Variants in TIAM2 observed in about 807,000 individuals in gnomAD.
The protein encoded by TIAM2 is rho guanine nucleotide exchange factor TIAM2.
Under a neutral mutation model 152.9 loss-of-function variants are expected in TIAM2, and 80 were observed. The ratio of observed to expected loss-of-function variants is 0.52; its 90% CI spans 0.44 to 0.63. The LOEUF (loss-of-function observed/expected upper bound fraction) is 0.63, where lower values mean the gene tolerates loss of function less well. Ranked by LOEUF, TIAM2 falls within the 30% of genes least tolerant of loss-of-function variation. The pLI is 0.00. For synonymous variants in TIAM2, 804 were observed against 838.0 expected (o/e 0.96, Z 0.70); for missense variants, 1,965 against 2,120.1 (o/e 0.93, Z 1.44).
At chr6:155,103,210 A>C (rs1173794113) in intron 2 of TIAM2, among the ~76,000 whole-genome samples, 2 of 152,182 alleles carry the variant, frequency 1.3e-5, no homozygotes, top group African/African-American at 2.4e-5. Flanking sequence ...GAACTTGAGA[A>C]ACCTTACATA....
Position 155,116,220 on chromosome 6 carries a change from A to G in TIAM2, c.-117-11270A>G, listed in dbSNP as rs6922931. ...ATTTAAACTATACCAACTAGTATAT[A>G]TATGTTGTTTTTTTTCCTGAAAGTT... On this transcript the variant is annotated intron_variant, in intron 2 of 26. Coordinates refer to ENST00000682666, the MANE Select transcript of TIAM2 (RefSeq NM_012454.4). Among the ~76,000 whole-genome samples the G allele has an allele frequency of 2.6e-3, 390 of 152,320 alleles. 2 individuals carry two copies. The highest frequency in any genetic ancestry group is 8.7e-3 in the African/African-American group (363 of 41,572).
intron 7 of TIAM2, among the ~76,000 whole-genome samples, chr6:155,157,625 A>T (rs1233244862): frequency 6.6e-6 from 1 of 152,136 alleles, no homozygotes; most frequent in Non-Finnish European, 1.5e-5. Flanking sequence ...CATTTTCCGT[A>T]TAAGTACCGT....
At chr6:155,039,750 G>A (rs1035394914) in intron 1 of TIAM2, among the ~76,000 whole-genome samples, 2 of 152,184 alleles carry the variant, frequency 1.3e-5, no homozygotes, top group Admixed American at 6.5e-5. Context: ...AGCTTCATGA[G>A]TTTAATGTAA....
intron 14 of TIAM2, among the ~76,000 whole-genome samples, chr6:155,202,064 T>A (rs1416295136): frequency 1.3e-5 from 2 of 152,184 alleles, no homozygotes; most frequent in Non-Finnish European, 2.9e-5. Flanking sequence ...CCAGATATGG[T>A]CAGAAGAGAA....
chr6:155,214,462 C>G lies in TIAM2; in HGVS notation c.3168+3155C>G, dbSNP rs971811049. 6.6e-6 allele frequency among the ~76,000 whole-genome samples: 1 copy of G among 152,116 alleles called. No homozygotes were observed. Among genetic ancestry groups the G allele is most frequent in the Non-Finnish European group, 1.5e-5 (1 of 68,004 alleles). On this transcript the variant is annotated intron_variant, in intron 15 of 26. Transcript: ENST00000682666. The surrounding 1 kb of genome is among the most constrained non-coding windows in gnomAD (Gnocchi z 5.4). ...TGATGAAGCAGCTATGGGCTCTCAG[C>G]CTCCCCTCTCTTCTCCCTTTCACTT...
chr6:155,214,324 G>A lies in TIAM2; in HGVS notation c.3168+3017G>A, dbSNP rs561041988. Among the ~76,000 whole-genome samples, 11 of 152,222 alleles carry A rather than the reference G, an allele frequency of 7.2e-5. No individual in the cohort carries two copies. Among genetic ancestry groups the A allele is most frequent in the Non-Finnish European group, 1.5e-4 (10 of 68,026 alleles). On this transcript the variant is annotated intron_variant, in intron 15 of 26. Coordinates refer to ENST00000682666, the MANE Select transcript of TIAM2 (RefSeq NM_012454.4). This position sits in a 1 kb window ranked among gnomAD's most constrained non-coding sequence, Gnocchi z 5.4. ...AGCCAGGCACATGGCACATCCTTTG[G>A]AGGAACCATGTGGCATACCTTTTGG...
intron 2 of TIAM2, among the ~76,000 whole-genome samples, chr6:155,095,777 G>C (rs1467900881): frequency 6.6e-6 from 1 of 152,136 alleles, no homozygotes. Context: ...AGTCCATAAA[G>C]AGAAAATATT....
intron 1 of TIAM2, among the ~76,000 whole-genome samples, chr6:155,028,050 TTACA>T (rs1397186706): frequency 1.2e-4 from 14 of 116,340 alleles, no homozygotes; most frequent in East Asian, 9.2e-4. Flanking sequence ...ATGTACTGTG[TTACA>T]TATATACTAT....
chr6:155,118,244 C>T (rs1051415751), intron 2 of TIAM2, among the ~76,000 whole-genome samples: 19 of 152,084 alleles, frequency 1.2e-4, no homozygotes, highest in African/African-American at 4.3e-4. Flanking sequence ...TGCTTGGGAC[C>T]TGCACCCCCT....
chr6:155,225,452 A>G (rs1451453881), intron 15 of TIAM2, among the ~76,000 whole-genome samples: 3 of 152,130 alleles, frequency 2.0e-5, no homozygotes, highest in Non-Finnish European at 4.4e-5. Context: ...CAGTAATACA[A>G]CGTGAGGCTT....
chr6:155,231,736 G>C (rs993555836), intron 15 of TIAM2, among the ~76,000 whole-genome samples: 6 of 152,228 alleles, frequency 3.9e-5, no homozygotes, highest in African/African-American at 1.4e-4. Context: ...GGAGCCCCTT[G>C]TTCCCACTGT....
chr6:155,030,071 G>C (rs1172364937), intron 1 of TIAM2, among the ~76,000 whole-genome samples: 1 of 152,176 alleles, frequency 6.6e-6, no homozygotes, highest in Non-Finnish European at 1.5e-5. Flanking sequence ...GGGATTACAG[G>C]TGTGAGCCAC....
chr6:155,224,565 T>A (rs1331867197), intron 15 of TIAM2, among the ~76,000 whole-genome samples: 1 of 152,252 alleles, frequency 6.6e-6, no homozygotes, highest in East Asian at 1.9e-4. Flanking sequence ...GATGTGTCAT[T>A]AGTATGGAAG....
chr6:155,001,519 G>A (rs1387112466), intron 1 of TIAM2, among the ~76,000 whole-genome samples: 2 of 152,204 alleles, frequency 1.3e-5, no homozygotes, highest in Non-Finnish European at 2.9e-5. Context: ...AGCAGACATA[G>A]GCTGGTGCCC....
chr6:155,041,335 T>C (rs2075068863), intron 1 of TIAM2, among the ~76,000 whole-genome samples: 1 of 152,218 alleles, frequency 6.6e-6, no homozygotes. Context: ...AAAGTTGCTC[T>C]ACTTATTTTA....
chr6:155,224,644 G>A (rs1157927106), intron 15 of TIAM2, among the ~76,000 whole-genome samples: 4 of 152,188 alleles, frequency 2.6e-5, no homozygotes, highest in African/African-American at 9.7e-5. Context: ...TCCTTTCGTT[G>A]GTTCTTGCCC....
intron 14 of TIAM2, among the ~76,000 whole-genome samples, chr6:155,196,823 A>G (rs2087727998): frequency 6.6e-6 from 1 of 152,216 alleles, no homozygotes; most frequent in African/African-American, 2.4e-5. Context: ...GCCCTACCAT[A>G]CTCAGCTATG....
chr6:155,220,915 A>AGCTCCCCACCTCCACTACAG (rs1202020773), intron 15 of TIAM2, among the ~76,000 whole-genome samples: 1 of 151,802 alleles, frequency 6.6e-6, no homozygotes, highest in Non-Finnish European at 1.5e-5. Flanking sequence ...TCCGTCTCCT[A>AGCTCCCCACCTCCACTACAG]GCTCCCCACC....
chr6:155,047,432 G>A (rs771244104), intron 1 of TIAM2, among the ~76,000 whole-genome samples: 8 of 152,098 alleles, frequency 5.3e-5, no homozygotes, highest in Admixed American at 1.3e-4. Flanking sequence ...CACCCGCCTT[G>A]GCCTCCCAAA....
Sources: allele counts gnomAD v4.1 joint callset (sites outside exome capture counted in the v4.1 genomes callset), GRCh38; gene constraint gnomAD v4.1.1; non-coding constraint Gnocchi (gnomAD v3.1); transcripts MANE v1.5; gene names NCBI Gene and HGNC (gene_info 2026-07-23, HGNC 2026-07-21).